The following ITGB6 variants were observed in gnomAD, a reference collection of about 807,000 sequenced individuals.
ITGB6 encodes integrin subunit beta 6, also known as integrin beta-6.
Under a neutral mutation model 84.5 loss-of-function variants are expected in ITGB6, and 80 were observed. The observed-to-expected ratio is 0.95, with a 90% CI of 0.79 to 1.14. The LOEUF (loss-of-function observed/expected upper bound fraction) is 1.14, where lower values mean the gene tolerates loss of function less well. Ranked by LOEUF, ITGB6 falls within the 50% of genes most tolerant of loss-of-function variation. The pLI, the probability that ITGB6 is intolerant of heterozygous loss-of-function variation, is 0.00. For synonymous variants in ITGB6, 383 were observed against 354.9 expected (o/e 1.08, Z -0.89); for missense variants, 1,006 against 968.0 (o/e 1.04, Z -0.52).
At chr2:160,136,331 C>T (rs1272911184) in intron 10 of ITGB6, among the ~76,000 whole-genome samples, 1 of 152,122 alleles carries the variant, frequency 6.6e-6, no homozygotes, top group Non-Finnish European at 1.5e-5. Flanking sequence ...CAGAGAAATG[C>T]AAATCAAAAC....
At chr2:160,166,447 G>A (rs1448212409) in intron 7 of ITGB6, among the ~76,000 whole-genome samples, 1 of 152,162 alleles carries the variant, frequency 6.6e-6, no homozygotes, top group East Asian at 1.9e-4. Flanking sequence ...ATTCGACAAT[G>A]TCATAAAGAA....
chr2:160,142,474 A>C (rs1221281033), intron 7 of ITGB6, among the ~76,000 whole-genome samples: 1 of 152,240 alleles, frequency 6.6e-6, no homozygotes, highest in Non-Finnish European at 1.5e-5. Flanking sequence ...GGTTTGGTGC[A>C]CATGGGCAAT....
At chr2:160,134,330 A>G (rs1374477752) in intron 10 of ITGB6, among the ~76,000 whole-genome samples, 1 of 152,210 alleles carries the variant, frequency 6.6e-6, no homozygotes, top group Admixed American at 6.5e-5. Flanking sequence ...TCCTCGACAC[A>G]TACACTCTCC....
chr2:160,121,891 T>G, intron 12 of ITGB6, among the ~76,000 whole-genome samples: 1 of 148,158 alleles, frequency 6.7e-6, no homozygotes, highest in East Asian at 1.9e-4. Flanking sequence ...AAGTTATGCT[T>G]TTTTTTTTTA....
chr2:160,142,204 C>A, intron 7 of ITGB6, 133 bp from the exon 8 acceptor site: 1 of 588,416 alleles, frequency 1.7e-6, no homozygotes, highest in East Asian at 3.0e-5. Flanking sequence ...AACAAACCTG[C>A]TTTTCTCCTG....
At chr2:160,175,551 A>G (rs572877084) in intron 4 of ITGB6, among the ~76,000 whole-genome samples, 2 of 152,256 alleles carry the variant, frequency 1.3e-5, no homozygotes, top group South Asian at 4.1e-4. Context: ...TTTCATTTTT[A>G]TGCTTTTCAT....
chr2:160,126,769 G>A (rs573153737), intron 10 of ITGB6, among the ~76,000 whole-genome samples, 168 bp from the exon 11 acceptor site: 2 of 152,164 alleles, frequency 1.3e-5, no homozygotes, highest in East Asian at 3.9e-4. Context: ...TAGATATATT[G>A]TATCAAATGT....
rs375234786 is a variant in ITGB6 at position 160,187,437 on chromosome 2, C to T, written c.593+7932G>A. Among the ~76,000 whole-genome samples the T allele has an allele frequency of 1.2e-4, 18 of 152,236 alleles. No homozygotes were observed. The East Asian group carries it at 2.9e-3, about 24-fold the overall frequency. ...AGTTTTACCTGTTATCTACTATCAC[C>T]TGTTATCTAGTTTGAAGGTAATATC... On this transcript the variant is annotated intron_variant, in intron 4 of 14. Transcript: ENST00000283249.
chr2:160,125,673 T>C (rs1467828878), intron 11 of ITGB6, among the ~76,000 whole-genome samples: 2 of 152,228 alleles, frequency 1.3e-5, no homozygotes, highest in African/African-American at 2.4e-5. Context: ...TGCTGAAGCA[T>C]ATTTGCTGCA....
At chr2:160,159,614 A>T (rs1684747177) in intron 7 of ITGB6, among the ~76,000 whole-genome samples, 1 of 151,014 alleles carries the variant, frequency 6.6e-6, no homozygotes, top group African/African-American at 2.4e-5. Flanking sequence ...ACCCCTACTC[A>T]CTCCAGGCCA....
chr2:160,132,510 C>T (rs557299390), intron 10 of ITGB6, among the ~76,000 whole-genome samples: 64 of 152,154 alleles, frequency 4.2e-4, no homozygotes, highest in Non-Finnish European at 7.9e-4. Context: ...ATGTTCCTAA[C>T]GCTGTCTTTT....
At chr2:160,104,167 G>A (rs1365534524) in intron 14 of ITGB6, among the ~76,000 whole-genome samples, 3 of 152,200 alleles carry the variant, frequency 2.0e-5, no homozygotes, top group African/African-American at 7.2e-5. Context: ...GGGTAAAGCA[G>A]ACTTCACTAG....
intron 7 of ITGB6, among the ~76,000 whole-genome samples, chr2:160,153,247 C>T (rs994308617): frequency 6.6e-5 from 10 of 152,166 alleles, no homozygotes; most frequent in Non-Finnish European, 1.2e-4. Flanking sequence ...GAGATATAGA[C>T]CAATGGAACT....
At chr2:160,146,473 G>A (rs1203873024) in intron 7 of ITGB6, among the ~76,000 whole-genome samples, 1 of 152,060 alleles carries the variant, frequency 6.6e-6, no homozygotes, top group East Asian at 1.9e-4. Flanking sequence ...CAACATCAAT[G>A]TTTCTAATCT....
intron 4 of ITGB6, among the ~76,000 whole-genome samples, chr2:160,185,799 G>T (rs1195444180): frequency 6.6e-6 from 1 of 152,058 alleles, no homozygotes; most frequent in Non-Finnish European, 1.5e-5. Context: ...ACAGAACAGA[G>T]GCCTCAGAAA....
At chr2:160,181,318 A>G (rs35056657) in intron 4 of ITGB6, among the ~76,000 whole-genome samples, 11,087 of 152,216 alleles carry the variant, frequency 0.073, 475 homozygotes, top group Middle Eastern at 0.18. Context: ...GGCATCTGCC[A>G]TTACTGAGGG....
At chr2:160,129,023 T>G (rs1683348995) in intron 10 of ITGB6, among the ~76,000 whole-genome samples, 3 of 151,896 alleles carry the variant, frequency 2.0e-5, no homozygotes, top group Admixed American at 2.0e-4. Flanking sequence ...TGAGAAAAAC[T>G]CTGGAGAGCT....
intron 7 of ITGB6, among the ~76,000 whole-genome samples, chr2:160,168,595 C>T (rs564024453): frequency 1.3e-5 from 2 of 152,216 alleles, no homozygotes; most frequent in African/African-American, 4.8e-5. Context: ...TATTTTTTTG[C>T]AGTTTGCACA....
At chr2:160,185,356 T>A (rs1685852013) in intron 4 of ITGB6, among the ~76,000 whole-genome samples, 1 of 152,196 alleles carries the variant, frequency 6.6e-6, no homozygotes, top group Non-Finnish European at 1.5e-5. Context: ...AGCCAAATCA[T>A]GAGTGAACTC....
Sources: allele counts gnomAD v4.1 joint callset (sites outside exome capture counted in the v4.1 genomes callset), GRCh38; gene constraint gnomAD v4.1.1; transcripts MANE v1.5; gene names NCBI Gene and HGNC (gene_info 2026-07-23, HGNC 2026-07-21).